The following MOBP variants were observed in gnomAD, a reference collection of about 807,000 sequenced individuals.
MOBP encodes the protein myelin-associated oligodendrocyte basic protein.
Under a neutral mutation model 15.0 loss-of-function variants are expected in MOBP, and 5 were observed. The ratio of observed to expected loss-of-function variants is 0.33; its 90% confidence interval spans 0.17 to 0.70. The LOEUF (loss-of-function observed/expected upper bound fraction) is 0.70. MOBP is among the 30% of genes least tolerant of loss of function. The pLI is 0.67. For missense variants in MOBP, 188 were observed against 257.8 expected, an observed-to-expected ratio of 0.73 and a Z score of 1.85; for synonymous variants, 88 against 99.0, an observed-to-expected ratio of 0.89 and a Z score of 0.66.
intron 1 of MOBP, among the ~76,000 whole-genome samples, chr3:39,477,498 A>G (rs1016289457): frequency 6.6e-6 from 1 of 151,966 alleles, no homozygotes; most frequent in Non-Finnish European, 1.5e-5. Context: ...CAGCACATAC[A>G]ATTATGTACA....
chr3:39,497,040 T>C (rs2042897978), intron 2 of MOBP, among the ~76,000 whole-genome samples: 1 of 152,144 alleles, frequency 6.6e-6, no homozygotes, highest in South Asian at 2.1e-4. Flanking sequence ...TGACCTCAAG[T>C]AATCTGTCTG....
At chr3:39,468,817 TACATATTAC>T (rs1412495827) in intron 1 of MOBP, among the ~76,000 whole-genome samples, 14 of 120,306 alleles carry the variant, frequency 1.2e-4, no homozygotes, top group African/African-American at 5.5e-4. Context: ...TGTGTGTGTA[TACATATTAC>T]ATATGTGTGT....
At chr3:39,472,035 T>A (rs2042477667) in intron 1 of MOBP, among the ~76,000 whole-genome samples, 1 of 152,172 alleles carries the variant, frequency 6.6e-6, no homozygotes, top group Non-Finnish European at 1.5e-5. Flanking sequence ...CAAGGTTAAC[T>A]TCAAGTCCCT....
intron 1 of MOBP, among the ~76,000 whole-genome samples, chr3:39,475,271 G>A (rs6783967): frequency 0.025 from 3,760 of 152,262 alleles, 152 homozygotes; most frequent in African/African-American, 0.079. Flanking sequence ...GAGAATAAAC[G>A]AGGATGATCT....
chr3:39,492,946 T>G (rs2042821330), intron 2 of MOBP, among the ~76,000 whole-genome samples: 1 of 152,190 alleles, frequency 6.6e-6, no homozygotes, highest in Non-Finnish European at 1.5e-5. Flanking sequence ...CTACCCTTCA[T>G]TCTGCAAACT....
exon 5 of MOBP, chr3:39,513,966 G>A (rs1259079599): frequency 6.5e-6 from 1 of 153,230 alleles, no homozygotes; most frequent in Non-Finnish European, 1.5e-5. Flanking sequence ...AATTGGCTCT[G>A]GGGAAGATCC....
intron 2 of MOBP, among the ~76,000 whole-genome samples, chr3:39,482,129 TTTTCTC>T (rs2042637392): frequency 6.6e-6 from 1 of 152,144 alleles, no homozygotes; most frequent in African/African-American, 2.4e-5. Context: ...CAAACCTTCT[TTTTCTC>T]TAGTAGATAC....
chr3:39,521,198 G>A (rs992121368), intron 3 of MOBP, among the ~76,000 whole-genome samples: 1 of 152,114 alleles, frequency 6.6e-6, no homozygotes, highest in Non-Finnish European at 1.5e-5. Flanking sequence ...TAATCCTCCC[G>A]CCTCAGCCTC....
At chr3:39,481,229 A>G (rs560945378) in intron 2 of MOBP, among the ~76,000 whole-genome samples, 2 of 152,202 alleles carry the variant, frequency 1.3e-5, no homozygotes, top group Non-Finnish European at 2.9e-5. Context: ...AGTGACTTCA[A>G]CTAGACTCCC....
downstream of MOBP, among the ~76,000 whole-genome samples, chr3:39,504,192 G>A (rs777152873): frequency 2.6e-5 from 4 of 152,266 alleles, no homozygotes; most frequent in Non-Finnish European, 4.4e-5. Flanking sequence ...ATAGCAAGTT[G>A]TATGACAGGT....
intron 2 of MOBP, among the ~76,000 whole-genome samples, chr3:39,493,980 C>A (rs983585735): frequency 6.6e-6 from 1 of 152,062 alleles, no homozygotes; most frequent in Non-Finnish European, 1.5e-5. Flanking sequence ...GAATAAAAAG[C>A]CTTATTATTG....
intron 1 of MOBP, among the ~76,000 whole-genome samples, chr3:39,475,261 G>C (rs1226402088): frequency 6.6e-6 from 1 of 152,180 alleles, no homozygotes; most frequent in Non-Finnish European, 1.5e-5. Context: ...TCTCATATCA[G>C]AGAATAAACG....
chr3:39,489,691 G>GC lies in MOBP; in HGVS notation c.-5+9571dup, dbSNP rs546154097. ...GCAGGAGCTGGGTGTATTGTTCCCC[G>GC]CCCAGCTCCTGTCCCAGCCCCTGGT... On this transcript the variant is annotated intron_variant, in intron 2 of 3. Transcript: ENST00000684792. 3.1e-3 allele frequency among the ~76,000 whole-genome samples: 457 copies of GC among 149,090 alleles called. 1 individual carries two copies. The highest frequency in any genetic ancestry group is 0.011 in the African/African-American group (419 of 39,900).
intron 1 of MOBP, among the ~76,000 whole-genome samples, chr3:39,477,013 A>T (rs1223118480): frequency 1.3e-5 from 2 of 151,900 alleles, no homozygotes; most frequent in Non-Finnish European, 2.9e-5. Flanking sequence ...AGACACTCTG[A>T]CCCAGTCAAG....
chr3:39,492,313 C>A (rs899182218), intron 2 of MOBP, among the ~76,000 whole-genome samples: 1 of 152,122 alleles, frequency 6.6e-6, no homozygotes, highest in Non-Finnish European at 1.5e-5. Flanking sequence ...AGACCAGCCA[C>A]CCCTTCCCTC....
At chr3:39,505,529 C>A (rs1354613616), downstream of MOBP, among the ~76,000 whole-genome samples, 10 of 152,176 alleles carry the variant, frequency 6.6e-5, no homozygotes, top group Admixed American at 6.5e-4. Context: ...GGCATATACT[C>A]TTTCCTATCT....
intron 1 of MOBP, among the ~76,000 whole-genome samples, chr3:39,475,790 A>G (rs183718865): frequency 1.7e-4 from 26 of 152,208 alleles, no homozygotes; most frequent in Admixed American, 1.5e-3. Context: ...TTTTTCCAGG[A>G]TAAACTTCTA....
Position 39,479,380 on chromosome 3 carries a change from A to C in MOBP, c.-88-660A>C, listed in dbSNP as rs571786454. Among the ~76,000 whole-genome samples the C allele has an allele frequency of 7.3e-5, 11 of 150,616 alleles. 1 individual carries two copies. The East Asian group carries it at 2.1e-3, about 29-fold the overall frequency. ...CTATTTTTGTGTCTAGAATCTTTAT[A>C]ATCTTATAAGACCTTTTTTTTTTTT... is the stretch of plus-strand genomic sequence containing the variant. On this transcript the variant is annotated intron_variant, in intron 1 of 3. Coordinates refer to ENST00000684792, the MANE Select transcript of MOBP (RefSeq NM_001393704.1).
intron 1 of MOBP, among the ~76,000 whole-genome samples, chr3:39,477,292 A>G (rs142614270): frequency 6.6e-6 from 1 of 152,198 alleles, no homozygotes; most frequent in African/African-American, 2.4e-5. Context: ...GAGAGAAATT[A>G]TATACAGTCA....
Sources: allele counts gnomAD v4.1 joint callset (sites outside exome capture counted in the v4.1 genomes callset), GRCh38; gene constraint gnomAD v4.1.1; transcripts MANE v1.5; gene names NCBI Gene and HGNC (gene_info 2026-07-23, HGNC 2026-07-21).